Variants in CNTNAP2 observed in about 807,000 individuals in gnomAD.
The protein encoded by CNTNAP2 is contactin-associated protein-like 2.
In CNTNAP2, 98 loss-of-function variants were observed where a neutral mutation model predicts 155.2. The observed-to-expected ratio is 0.63, with a 90% confidence interval of 0.54 to 0.75. The LOEUF (loss-of-function observed/expected upper bound fraction) is 0.75, where lower values mean the gene tolerates loss of function less well. Among genes scored for constraint, CNTNAP2 ranks in the 30% least tolerant of loss-of-function variants. The probability of loss-of-function intolerance (pLI) is 0.00; values close to 1 mark genes in which losing one functional copy is unlikely to be tolerated. For missense variants in CNTNAP2, 1,727 were observed against 1,688.1 expected, an observed-to-expected ratio of 1.02 and a Z score of -0.40; for synonymous variants, 651 against 631.2, an observed-to-expected ratio of 1.03 and a Z score of -0.47.
chr7:146,872,908 G>A (rs1003467492), intron 3 of CNTNAP2, among the ~76,000 whole-genome samples: 12 of 152,032 alleles, frequency 7.9e-5, no homozygotes, highest in African/African-American at 2.7e-4. Context: ...AATGTTTATC[G>A]TTATTCCAAA....
intron 1 of CNTNAP2, among the ~76,000 whole-genome samples, chr7:146,356,185 C>A (rs1157765652): frequency 6.6e-6 from 1 of 152,130 alleles, no homozygotes; most frequent in Non-Finnish European, 1.5e-5. Flanking sequence ...CAGATGTACT[C>A]GCAAACCGTA....
At chr7:146,966,442 A>G (rs1797658594) in intron 3 of CNTNAP2, among the ~76,000 whole-genome samples, 2 of 152,226 alleles carry the variant, frequency 1.3e-5, no homozygotes, top group African/African-American at 4.8e-5. Context: ...GCCCAGAACC[A>G]GCTGCCGCCT....
chr7:146,235,986 G>GCA (rs1799468153), intron 1 of CNTNAP2, among the ~76,000 whole-genome samples: 1 of 151,336 alleles, frequency 6.6e-6, no homozygotes, highest in East Asian at 1.9e-4. Context: ...GTGTGCGCGC[G>GCA]TATTTGTAAA....
chr7:147,476,653 G>A (rs573408722), intron 10 of CNTNAP2, among the ~76,000 whole-genome samples: 39 of 151,850 alleles, frequency 2.6e-4, no homozygotes, highest in Non-Finnish European at 4.9e-4. Flanking sequence ...TTGGTCAGGC[G>A]CGGTGGCTCA....
chr7:146,656,657 G>T (rs1800000063), intron 1 of CNTNAP2, among the ~76,000 whole-genome samples: 1 of 152,178 alleles, frequency 6.6e-6, no homozygotes, highest in African/African-American at 2.4e-5. Context: ...AAGGCGTTAG[G>T]TAGGCTTTGC....
At position 148,176,256 on chromosome 7, in the gene CNTNAP2, TTGTC is replaced by T. The variant is rs537790839; in HGVS notation, c.3010+3779_3010+3782del. Among the ~76,000 whole-genome samples, 14 of 135,562 alleles carry T rather than the reference TTGTC, an allele frequency of 1.0e-4. No individual in the cohort carries two copies. The South Asian group carries it at 3.4e-3, about 33-fold the overall frequency. 88.9% of individuals were successfully genotyped at this position (135,562 alleles called of 152,430 possible). Reference sequence around the variant, plus strand: ...TTTTTTTTGAGATGGAGTTTCTCTCTTGTCGCCCAGACTGGAGTGCAGTGGCACA... The same window carrying T: ...TTTTTTTTGAGATGGAGTTTCTCTCTGCCCAGACTGGAGTGCAGTGGCACA... On this transcript the variant is annotated intron_variant, in intron 18 of 23. Coordinates refer to ENST00000361727, the MANE Select transcript of CNTNAP2 (RefSeq NM_014141.6).
chr7:147,574,490 G>A (rs1052471066), intron 12 of CNTNAP2, among the ~76,000 whole-genome samples: 2 of 152,084 alleles, frequency 1.3e-5, no homozygotes, highest in Non-Finnish European at 2.9e-5. Context: ...ATTCTCAGTA[G>A]TGTCCTTGTT....
At chr7:146,120,334 C>T (rs1308772750) in intron 1 of CNTNAP2, among the ~76,000 whole-genome samples, 1 of 152,042 alleles carries the variant, frequency 6.6e-6, no homozygotes, top group Non-Finnish European at 1.5e-5. Context: ...ACATTATTTG[C>T]TTAATGCAAC....
At chr7:147,140,359 A>T (rs566137255) in intron 8 of CNTNAP2, among the ~76,000 whole-genome samples, 2 of 151,674 alleles carry the variant, frequency 1.3e-5, no homozygotes, top group African/African-American at 4.9e-5. Context: ...TGGATATTGG[A>T]GTACTGCTCA....
intron 13 of CNTNAP2, among the ~76,000 whole-genome samples, chr7:147,704,064 G>C (rs1796274990): frequency 6.6e-6 from 1 of 152,054 alleles, no homozygotes; most frequent in Admixed American, 6.6e-5. Flanking sequence ...CAAATATTAG[G>C]TTGGCACAGC....
chr7:147,156,451 T>A (rs1801928115), intron 8 of CNTNAP2, among the ~76,000 whole-genome samples: 1 of 152,142 alleles, frequency 6.6e-6, no homozygotes, highest in Admixed American at 6.5e-5. Flanking sequence ...CAGAGAAAAA[T>A]CAATGCAAAA....
At chr7:147,480,199 C>G (rs994530432) in intron 10 of CNTNAP2, among the ~76,000 whole-genome samples, 1 of 152,076 alleles carries the variant, frequency 6.6e-6, no homozygotes, top group African/African-American at 2.4e-5. Flanking sequence ...AAATTTCATG[C>G]TGAGATGAAG....
intron 3 of CNTNAP2, among the ~76,000 whole-genome samples, chr7:146,905,446 C>G (rs1796099955): frequency 6.6e-6 from 1 of 152,108 alleles, no homozygotes; most frequent in South Asian, 2.1e-4. Flanking sequence ...AAGGACTTCC[C>G]CTTTCATCCT....
chr7:147,003,417 A>T (rs1214090090), intron 3 of CNTNAP2, among the ~76,000 whole-genome samples: 1 of 152,026 alleles, frequency 6.6e-6, no homozygotes, highest in Non-Finnish European at 1.5e-5. Context: ...CTACACTGAT[A>T]AATTTTGAAT....
rs1481315652 is a variant in CNTNAP2 at position 148,275,302 on chromosome 7, T to C, written c.3475+8176T>C. 5.3e-5 allele frequency among the ~76,000 whole-genome samples: 8 copies of C among 152,050 alleles called. 1 individual carries two copies. The East Asian group carries it at 1.4e-3, about 26-fold the overall frequency. Reference sequence around the variant, plus strand: ...ATAAATGAAAAGAAGTATAGAATTCTTTGGGAGCAAGTAGGGAGGGCACTT... The same window carrying C: ...ATAAATGAAAAGAAGTATAGAATTCCTTGGGAGCAAGTAGGGAGGGCACTT... On this transcript the variant is annotated intron_variant, in intron 21 of 23. Transcript: ENST00000361727.
Position 146,321,154 on chromosome 7 carries a change from A to G in CNTNAP2, c.97+204181A>G, listed in dbSNP as rs181026772. Among the ~76,000 whole-genome samples the G allele has an allele frequency of 5.3e-5, 8 of 152,238 alleles. No homozygotes were observed. The East Asian group carries it at 1.4e-3, about 26-fold the overall frequency. On this transcript the variant is annotated intron_variant, in intron 1 of 23. Coordinates refer to ENST00000361727, the MANE Select transcript of CNTNAP2 (RefSeq NM_014141.6). ...AGATGATGATGCGCTTATTAGGAAA[A>G]CAGTGGGGTAAAATAGGGTAGCCGA... is the stretch of plus-strand genomic sequence containing the variant.
At chr7:147,913,639 C>T (rs78633486) in intron 14 of CNTNAP2, among the ~76,000 whole-genome samples, 2,099 of 152,308 alleles carry the variant, frequency 0.014, 29 homozygotes, top group Non-Finnish European at 0.021. Context: ...AACCTTAATA[C>T]GAGACAGAAG....
At chr7:148,299,491 A>G (rs1797344198) in intron 21 of CNTNAP2, among the ~76,000 whole-genome samples, 2 of 152,170 alleles carry the variant, frequency 1.3e-5, no homozygotes, top group South Asian at 2.1e-4. Flanking sequence ...ACAGGACAGG[A>G]TGCACCTCCA....
chr7:147,251,519 A>G (rs1804197661), intron 8 of CNTNAP2, among the ~76,000 whole-genome samples: 1 of 152,188 alleles, frequency 6.6e-6, no homozygotes, highest in Non-Finnish European at 1.5e-5. Flanking sequence ...TTGTGTGCCT[A>G]TGGCTCTGCC....
Sources: allele counts gnomAD v4.1 joint callset (sites outside exome capture counted in the v4.1 genomes callset), GRCh38; gene constraint gnomAD v4.1.1; transcripts MANE v1.5; gene names NCBI Gene and HGNC (gene_info 2026-07-23, HGNC 2026-07-21).